The following PALM2AKAP2 variants were observed in gnomAD, a reference collection of about 807,000 sequenced individuals.
PALM2AKAP2 encodes PALM2-AKAP2 fusion protein.
A neutral mutation model predicts 71.5 loss-of-function variants in PALM2AKAP2; 37 were observed. The ratio of observed to expected loss-of-function variants is 0.52; its 90% CI spans 0.40 to 0.68. The LOEUF (loss-of-function observed/expected upper bound fraction) is 0.68, where lower values mean the gene tolerates loss of function less well. Among genes scored for constraint, PALM2AKAP2 ranks in the 30% least tolerant of loss-of-function variants. PALM2AKAP2 has a pLI of 0.00. For synonymous variants in PALM2AKAP2, 468 were observed against 478.8 expected (o/e 0.98, Z 0.29); for missense variants, 1,224 against 1,191.8 (o/e 1.03, Z -0.40).
chr9:110,165,741 G>C (rs898430115), intron 3 of PALM2AKAP2, among the ~76,000 whole-genome samples: 1 of 152,016 alleles, frequency 6.6e-6, no homozygotes, highest in South Asian at 2.1e-4. Context: ...TATACTTTTC[G>C]TCACTAAACT....
chr9:110,125,792 T>C (rs565838764), intron 1 of PALM2AKAP2, among the ~76,000 whole-genome samples: 1 of 146,694 alleles, frequency 6.8e-6, no homozygotes, highest in East Asian at 2.1e-4. Flanking sequence ...TTTTTTTTTT[T>C]GCAAATCTTG....
intron 3 of PALM2AKAP2, among the ~76,000 whole-genome samples, chr9:109,881,876 CTTTTTTTTTTTT>C (rs565835467): frequency 0.011 from 1,044 of 95,114 alleles, 26 homozygotes; most frequent in African/African-American, 0.035. Flanking sequence ...CTTATGAGCT[CTTTTTTTTTTTT>C]TTTTTTTTTT....
chr9:110,160,831 G>C (rs1370284761), intron 3 of PALM2AKAP2, among the ~76,000 whole-genome samples: 1 of 152,192 alleles, frequency 6.6e-6, no homozygotes, highest in African/African-American at 2.4e-5. Context: ...GGGTTTTCCA[G>C]TGTGCTCTCT....
At chr9:110,159,515 C>T (rs1209166945) in intron 3 of PALM2AKAP2, among the ~76,000 whole-genome samples, 1 of 152,124 alleles carries the variant, frequency 6.6e-6, no homozygotes, top group Non-Finnish European at 1.5e-5. Flanking sequence ...GTGAATTGAG[C>T]AAAAATAATT....
intron 1 of PALM2AKAP2, among the ~76,000 whole-genome samples, chr9:109,749,209 C>G (rs1210839217): frequency 1.3e-5 from 2 of 152,114 alleles, no homozygotes; most frequent in Non-Finnish European, 2.9e-5. Flanking sequence ...TAGAAGGAGT[C>G]CACTTGACAG....
chr9:109,849,863 G>T (rs1314356218), intron 1 of PALM2AKAP2, among the ~76,000 whole-genome samples: 2 of 152,118 alleles, frequency 1.3e-5, no homozygotes, highest in East Asian at 3.9e-4. Context: ...TCATTCTTGC[G>T]CTATTTTTTT....
At chr9:109,789,213 G>A (rs115333502) in intron 1 of PALM2AKAP2, among the ~76,000 whole-genome samples, 2 of 152,130 alleles carry the variant, frequency 1.3e-5, no homozygotes, top group African/African-American at 4.8e-5. Flanking sequence ...GCAACACCAT[G>A]ACAGCCCCAT....
intron 1 of PALM2AKAP2, among the ~76,000 whole-genome samples, chr9:109,827,558 G>A (rs1325557854): frequency 2.0e-5 from 3 of 152,082 alleles, no homozygotes; most frequent in Non-Finnish European, 2.9e-5. Context: ...GCAGTGAGCC[G>A]GGATCGCACC....
At chr9:109,918,225 A>G (rs1260423244) in intron 3 of PALM2AKAP2, among the ~76,000 whole-genome samples, 1 of 152,252 alleles carries the variant, frequency 6.6e-6, no homozygotes, top group Non-Finnish European at 1.5e-5. Context: ...GCATGAAGTT[A>G]GATGGATGAA....
chr9:109,876,253 G>T (rs1587978446), intron 2 of PALM2AKAP2, among the ~76,000 whole-genome samples: 2 of 152,214 alleles, frequency 1.3e-5, no homozygotes, highest in East Asian at 3.9e-4. Flanking sequence ...TGCTTTGGAT[G>T]GTGCACTCAG....
At chr9:110,055,036 C>T (rs765701059) in intron 1 of PALM2AKAP2, among the ~76,000 whole-genome samples, 18 of 152,198 alleles carry the variant, frequency 1.2e-4, no homozygotes, top group Non-Finnish European at 2.2e-4. Context: ...ATTCTCACCC[C>T]TGAAGCACTT....
At chr9:109,903,460 G>A (rs746743659) in intron 3 of PALM2AKAP2, among the ~76,000 whole-genome samples, 5 of 152,120 alleles carry the variant, frequency 3.3e-5, no homozygotes, top group Non-Finnish European at 7.4e-5. Flanking sequence ...TAGAAGGCCC[G>A]AATCCCTGGA....
intron 1 of PALM2AKAP2, among the ~76,000 whole-genome samples, chr9:109,835,530 G>A (rs2131557235): frequency 6.6e-6 from 1 of 152,230 alleles, no homozygotes; most frequent in Admixed American, 6.5e-5. Context: ...CGGACAGTGG[G>A]TGCAGGACAG....
chr9:109,932,074 G>A lies in PALM2AKAP2; in HGVS notation c.496+46G>A, dbSNP rs61489557. The stretch of plus-strand genomic sequence containing the variant: ...GACGCTAGGATGGTCCAAGGGGCTT[G>A]CATTTCACTGAGCTTTATTAATGAG... On this transcript the variant is annotated intron_variant, in intron 6 of 9. Coordinates refer to the PALM2AKAP2 transcript ENST00000302798. 1.4e-3 allele frequency: 2,164 copies of A among 1,543,982 alleles called. 9 individuals carry two copies. Among genetic ancestry groups the A allele is most frequent in the African/African-American group, 0.012 (852 of 73,356 alleles).
chr9:109,896,029 CAAAA>C (rs1830193236), intron 3 of PALM2AKAP2, among the ~76,000 whole-genome samples: 1 of 151,878 alleles, frequency 6.6e-6, no homozygotes, highest in South Asian at 2.1e-4. Flanking sequence ...ACTAAAAATA[CAAAA>C]AATTAGCTGG....
At chr9:110,164,753 A>T (rs1836692178) in intron 3 of PALM2AKAP2, among the ~76,000 whole-genome samples, 1 of 152,086 alleles carries the variant, frequency 6.6e-6, no homozygotes, top group Admixed American at 6.6e-5. Context: ...CTGGTCTCGA[A>T]CACCTAGTCT....
intron 1 of PALM2AKAP2, among the ~76,000 whole-genome samples, chr9:110,110,649 C>T (rs571069581): frequency 6.1e-5 from 9 of 148,122 alleles, no homozygotes; most frequent in Admixed American, 1.4e-4. Context: ...CGGGTTCAAG[C>T]GATTCTCCTG....
upstream of PALM2AKAP2, among the ~76,000 whole-genome samples, chr9:109,776,968 C>G (rs190487431): frequency 1.3e-5 from 2 of 152,098 alleles, no homozygotes; most frequent in Admixed American, 1.3e-4. Flanking sequence ...GGTTCTAAAC[C>G]CATCCCTAAC....
chr9:109,702,567 G>T lies in PALM2AKAP2; in HGVS notation c.5+61701G>T, dbSNP rs192910801. The stretch of plus-strand genomic sequence containing the variant: ...TGAGAACACATGGACACAGGAAGGG[G>T]AACATCACACACCGGGGCCTGTTGT... On this transcript the variant is annotated intron_variant, in intron 1 of 6. Transcript: ENST00000374531. Among the ~76,000 whole-genome samples the T allele has an allele frequency of 2.3e-3, 292 of 126,138 alleles. 2 individuals are homozygous for T. The highest frequency in any genetic ancestry group is 8.2e-3 in the African/African-American group (281 of 34,328). The allele number at this position is 126,138 out of a possible 152,430, so 82.8% of individuals were successfully genotyped here.
Sources: gnomAD v4.1 joint callset for allele counts (sites outside exome capture counted in the v4.1 genomes callset) on GRCh38, gnomAD v4.1.1 for gene constraint, MANE v1.5 for transcripts, NCBI Gene and HGNC (gene_info 2026-07-23, HGNC 2026-07-21) for gene names.